Variants in DPYD observed in about 807,000 individuals in gnomAD.
The protein encoded by DPYD is dihydropyrimidine dehydrogenase.
Under a neutral mutation model 116.2 loss-of-function variants are expected in DPYD, and 109 were observed. The observed-to-expected ratio is 0.94, with a 90% CI of 0.80 to 1.10. The LOEUF (loss-of-function observed/expected upper bound fraction) is 1.10. Ranked by LOEUF, DPYD falls within the 50% of genes least tolerant of loss-of-function variation. DPYD has a pLI of 0.00. For synonymous variants in DPYD, 440 were observed against 432.0 expected, an observed-to-expected ratio of 1.02 and a Z score of -0.23; for missense variants, 1,302 against 1,254.5, an observed-to-expected ratio of 1.04 and a Z score of -0.57.
intron 7 of DPYD, among the ~76,000 whole-genome samples, chr1:97,683,483 C>T (rs1660540691): frequency 6.6e-6 from 1 of 151,704 alleles, no homozygotes. Context: ...AATTAGAATT[C>T]TATCAGAATA....
intron 11 of DPYD, among the ~76,000 whole-genome samples, chr1:97,558,256 A>C (rs920261358): frequency 6.6e-6 from 1 of 151,706 alleles, no homozygotes; most frequent in Admixed American, 6.6e-5. Context: ...TACCTCTACT[A>C]CTCCTAAGTT....
chr1:97,101,167 G>A lies in DPYD; in HGVS notation c.2623-2535C>T, dbSNP rs189556321. Among the ~76,000 whole-genome samples, 5 of 151,544 alleles carry A rather than the reference G, an allele frequency of 3.3e-5. No individual in the cohort carries two copies. In the East Asian group the frequency reaches 9.7e-4, roughly 29 times the overall value. On this transcript the variant is annotated intron_variant, in intron 20 of 22. Transcript: ENST00000370192. ...CCACCAAGCATCTCCACATCAAATT[G>A]GGTTCATTTTTGTTTAATTCCTCAC...
At chr1:97,148,237 GGTGTGT>G (rs142831995) in intron 20 of DPYD, among the ~76,000 whole-genome samples, 1 of 90,598 alleles carries the variant, frequency 1.1e-5, no homozygotes, top group Non-Finnish European at 2.2e-5. Flanking sequence ...GTATGTGTAG[GGTGTGT>G]GTGTGTGTGT....
chr1:97,617,188 A>G (rs1312861049), intron 8 of DPYD, among the ~76,000 whole-genome samples: 2 of 152,146 alleles, frequency 1.3e-5, no homozygotes, highest in African/African-American at 4.8e-5. Flanking sequence ...ACACATACAA[A>G]CACCTACGCA....
chr1:97,080,933 T>A (rs1649107079), intron 22 of DPYD, among the ~76,000 whole-genome samples: 1 of 152,130 alleles, frequency 6.6e-6, no homozygotes, highest in Admixed American at 6.6e-5. Context: ...TTCTAAGATT[T>A]AAGATATTAG....
chr1:97,528,808 G>T (rs1284805514), intron 12 of DPYD, among the ~76,000 whole-genome samples: 1 of 151,994 alleles, frequency 6.6e-6, no homozygotes, highest in Non-Finnish European at 1.5e-5. Flanking sequence ...ACTGACTTCT[G>T]CATTCTCCTT....
intron 13 of DPYD, among the ~76,000 whole-genome samples, chr1:97,503,614 T>C (rs970657880): frequency 2.0e-5 from 3 of 152,018 alleles, no homozygotes; most frequent in African/African-American, 7.2e-5. Context: ...ATGGCTTGAC[T>C]TCTATTGCTG....
chr1:97,212,523 T>C (rs1443091107), intron 19 of DPYD, among the ~76,000 whole-genome samples: 1 of 152,144 alleles, frequency 6.6e-6, no homozygotes, highest in Non-Finnish European at 1.5e-5. Context: ...AATGCTGCTA[T>C]GACCATCTGT....
At chr1:97,284,012 A>C (rs1039560401) in intron 18 of DPYD, among the ~76,000 whole-genome samples, 6 of 152,278 alleles carry the variant, frequency 3.9e-5, no homozygotes, top group Admixed American at 2.6e-4. Flanking sequence ...AGCCGATATA[A>C]TACCTTAAGC....
intron 1 of DPYD, among the ~76,000 whole-genome samples, chr1:97,887,537 G>A (rs947072719): frequency 1.4e-5 from 2 of 147,628 alleles, no homozygotes; most frequent in Admixed American, 6.9e-5. Flanking sequence ...CCTCTAGAGG[G>A]GGTTTAGTGT....
chr1:97,359,190 A>G (rs995727659), intron 16 of DPYD, among the ~76,000 whole-genome samples: 6 of 152,182 alleles, frequency 3.9e-5, no homozygotes, highest in African/African-American at 1.2e-4. Context: ...AGCCAATTTG[A>G]TCAAGTGGAA....
chr1:97,405,526 G>GT (rs1340270334), intron 14 of DPYD, among the ~76,000 whole-genome samples: 1 of 151,466 alleles, frequency 6.6e-6, no homozygotes, highest in African/African-American at 2.4e-5. Flanking sequence ...TCTTTTGTTT[G>GT]TTTTTTTGAG....
At chr1:97,193,337 T>C in intron 19 of DPYD, 89 bp from the exon 20 acceptor site, 2 of 1,344,986 alleles carry the variant, frequency 1.5e-6, no homozygotes, top group Non-Finnish European at 2.1e-6. Context: ...CAAATATTTA[T>C]TTTATGTGCC....
intron 3 of DPYD, among the ~76,000 whole-genome samples, chr1:97,818,200 A>T (rs1472095469): frequency 1.3e-5 from 2 of 152,038 alleles, no homozygotes; most frequent in African/African-American, 4.8e-5. Flanking sequence ...CAAAAATATC[A>T]AACTATCACT....
intron 8 of DPYD, among the ~76,000 whole-genome samples, chr1:97,615,487 C>T (rs1656209185): frequency 6.6e-6 from 1 of 152,078 alleles, no homozygotes. Context: ...AAGTAACAAA[C>T]AGAACCATCC....
chr1:97,484,591 C>T (rs959515287), intron 13 of DPYD, among the ~76,000 whole-genome samples: 1 of 152,112 alleles, frequency 6.6e-6, no homozygotes, highest in Admixed American at 6.5e-5. Flanking sequence ...CCTCTTTATT[C>T]GCTCTGACTT....
At chr1:97,404,414 C>A (rs1018151900) in intron 14 of DPYD, among the ~76,000 whole-genome samples, 4 of 152,050 alleles carry the variant, frequency 2.6e-5, no homozygotes, top group African/African-American at 9.7e-5. Flanking sequence ...CTAATAGATG[C>A]ACTACTTGTC....
At chr1:97,413,987 T>A (rs1237211333) in intron 14 of DPYD, among the ~76,000 whole-genome samples, 1 of 152,122 alleles carries the variant, frequency 6.6e-6, no homozygotes, top group Non-Finnish European at 1.5e-5. Flanking sequence ...AGAAGTTATA[T>A]GTAGATTATA....
intron 2 of DPYD, among the ~76,000 whole-genome samples, chr1:97,842,824 A>G (rs1670103100): frequency 6.6e-6 from 1 of 152,082 alleles, no homozygotes; most frequent in African/African-American, 2.4e-5. Flanking sequence ...AAGATCTCTA[A>G]AAAACAAAAT....
Sources: gnomAD v4.1 joint callset for allele counts (sites outside exome capture counted in the v4.1 genomes callset) on GRCh38, gnomAD v4.1.1 for gene constraint, MANE v1.5 for transcripts, NCBI Gene and HGNC (gene_info 2026-07-23, HGNC 2026-07-21) for gene names.